The following ANO2 variants were observed in gnomAD, a reference collection of about 807,000 sequenced individuals.
The protein encoded by ANO2 is anoctamin-2.
A neutral mutation model predicts 124.2 loss-of-function variants in ANO2; 101 were observed. That is an observed-to-expected ratio of 0.81 (90% CI 0.69 to 0.96). The LOEUF (loss-of-function observed/expected upper bound fraction) is 0.96. ANO2 is among the 40% of genes least tolerant of loss of function. The pLI, the probability that ANO2 is intolerant of heterozygous loss-of-function variation, is 0.00. For missense variants in ANO2, 1,293 were observed against 1,274.5 expected, an observed-to-expected ratio of 1.01 and a Z score of -0.22; for synonymous variants, 486 against 482.5, an observed-to-expected ratio of 1.01 and a Z score of -0.09.
chr12:5,827,655 G>C, intron 7 of ANO2, 114 bp downstream of exon 7: 1 of 1,250,080 alleles, frequency 8.0e-7, no homozygotes. Flanking sequence ...GCCTCTCCGT[G>C]GGGGGCATTT....
intron 3 of ANO2, among the ~76,000 whole-genome samples, chr12:5,865,818 C>T (rs1364383061): frequency 1.3e-5 from 2 of 152,230 alleles, no homozygotes; most frequent in Non-Finnish European, 2.9e-5. Flanking sequence ...ATCATGCCAC[C>T]ATACCATCAT....
At chr12:5,827,846 T>C in intron 6 of ANO2, 26 bp from the exon 7 acceptor site, 1 of 1,602,996 alleles carries the variant, frequency 6.2e-7, no homozygotes, top group Non-Finnish European at 8.5e-7. Context: ...AGCAGAGCTG[T>C]GAGCTCCTAG....
At chr12:5,577,515 T>A (rs1463636568) in intron 22 of ANO2, among the ~76,000 whole-genome samples, 4 of 152,126 alleles carry the variant, frequency 2.6e-5, no homozygotes. Flanking sequence ...AGTGCCAGAG[T>A]CCACGGGGAT....
intron 3 of ANO2, among the ~76,000 whole-genome samples, chr12:5,872,760 C>T (rs1319256784): frequency 6.6e-6 from 1 of 152,040 alleles, no homozygotes; most frequent in African/African-American, 2.4e-5. Flanking sequence ...CCCACGGTTC[C>T]GGGAGGAGAC....
At chr12:5,848,361 C>A (rs186528627) in intron 4 of ANO2, among the ~76,000 whole-genome samples, 83 of 146,494 alleles carry the variant, frequency 5.7e-4, no homozygotes, top group African/African-American at 2.0e-3. Flanking sequence ...CCCTACTTCC[C>A]CCCCTCCCCA....
chr12:5,584,081 C>A, intron 20 of ANO2: 1 of 248,258 alleles, frequency 4.0e-6, no homozygotes. Context: ...AGAATCCAAA[C>A]AAATAAGCCA....
intron 19 of ANO2, among the ~76,000 whole-genome samples, chr12:5,603,206 T>C (rs1944026535): frequency 6.6e-6 from 1 of 152,012 alleles, no homozygotes; most frequent in Admixed American, 6.6e-5. Context: ...TTCCTAGAAA[T>C]CATCTCCAGG....
chr12:5,662,060 G>T (rs1947471857), intron 14 of ANO2, among the ~76,000 whole-genome samples: 1 of 152,210 alleles, frequency 6.6e-6, no homozygotes, highest in African/African-American at 2.4e-5. Flanking sequence ...TACAGGGCTG[G>T]GGCAGATGCT....
At chr12:5,742,982 C>T (rs969868544) in intron 12 of ANO2, among the ~76,000 whole-genome samples, 3 of 152,002 alleles carry the variant, frequency 2.0e-5, no homozygotes, top group African/African-American at 4.8e-5. Flanking sequence ...GCTCCCGGGA[C>T]GCAGCTGCTC....
intron 10 of ANO2, among the ~76,000 whole-genome samples, chr12:5,795,311 G>A (rs895616096): frequency 3.3e-5 from 5 of 152,230 alleles, no homozygotes. Context: ...CTCTAAGCTG[G>A]CACATTTCTA....
intron 14 of ANO2, among the ~76,000 whole-genome samples, chr12:5,714,316 T>C (rs1007635079): frequency 6.6e-6 from 1 of 152,134 alleles, no homozygotes; most frequent in African/African-American, 2.4e-5. Context: ...CTTCCTATCC[T>C]CCAAACATGG....
At chr12:5,566,785 T>C (rs1941791646) in intron 23 of ANO2, among the ~76,000 whole-genome samples, 1 of 152,160 alleles carries the variant, frequency 6.6e-6, no homozygotes, top group Non-Finnish European at 1.5e-5. Context: ...CAGAGTCTCG[T>C]GACCAGTAAA....
chr12:5,672,601 ACATGCATGTGTGTGTG>A (rs1948066433), intron 14 of ANO2, among the ~76,000 whole-genome samples: 2 of 50,332 alleles, frequency 4.0e-5, no homozygotes, highest in African/African-American at 8.0e-5. Flanking sequence ...GTGTGTGTGC[ACATGCATGTGTGTGTG>A]CACATGTGTG....
chr12:5,816,861 T>C (rs1232755194), intron 7 of ANO2, among the ~76,000 whole-genome samples: 5 of 152,204 alleles, frequency 3.3e-5, no homozygotes, highest in African/African-American at 4.8e-5. Context: ...TCTGTCTGCA[T>C]GGCTAAACTA....
chr12:5,840,777 C>T, intron 4 of ANO2, among the ~76,000 whole-genome samples: 1 of 152,184 alleles, frequency 6.6e-6, no homozygotes, highest in Non-Finnish European at 1.5e-5. Context: ...CAGAAATTAA[C>T]ACCCATCGTC....
At chr12:5,609,201 G>A (rs1012699856) in intron 19 of ANO2, 2 of 152,190 alleles carry the variant, frequency 1.3e-5, no homozygotes, top group Non-Finnish European at 2.9e-5. Context: ...TTATCACTGA[G>A]TGACTTTCTG....
chr12:5,733,364 C>A (rs1489652572), intron 13 of ANO2, among the ~76,000 whole-genome samples: 1 of 152,102 alleles, frequency 6.6e-6, no homozygotes, highest in Non-Finnish European at 1.5e-5. Context: ...GTGCAGATGC[C>A]GGGGTAGGAA....
At chr12:5,920,373 G>A (rs564323482) in intron 3 of ANO2, among the ~76,000 whole-genome samples, 156 of 152,150 alleles carry the variant, frequency 1.0e-3, no homozygotes, top group African/African-American at 3.5e-3. Context: ...TCCTCCCAAG[G>A]AAACCATATG....
chr12:5,726,095 T>G (rs1396248462), intron 14 of ANO2, among the ~76,000 whole-genome samples: 1 of 150,680 alleles, frequency 6.6e-6, no homozygotes, highest in South Asian at 2.1e-4. Context: ...TCCAAACGTG[T>G]CCGGGATACA....
Sources: allele counts gnomAD v4.1 joint callset (sites outside exome capture counted in the v4.1 genomes callset), GRCh38; gene constraint gnomAD v4.1.1; transcripts MANE v1.5; gene names NCBI Gene and HGNC (gene_info 2026-07-23, HGNC 2026-07-21).